PHTF2: variants seen among roughly 807,000 people sequenced by gnomAD.
PHTF2 encodes the protein protein PHTF2.
In PHTF2, 60 loss-of-function variants were observed where a neutral mutation model predicts 101.2. The ratio of observed to expected loss-of-function variants is 0.59; its 90% CI spans 0.48 to 0.73. The LOEUF (loss-of-function observed/expected upper bound fraction) is 0.73. Ranked by LOEUF, PHTF2 falls within the 30% of genes least tolerant of loss-of-function variation. The probability of loss-of-function intolerance (pLI) is 0.00; values close to 1 mark genes in which losing one functional copy is unlikely to be tolerated. For synonymous variants in PHTF2, 311 were observed against 307.3 expected (o/e 1.01, Z -0.13); for missense variants, 747 against 908.7 (o/e 0.82, Z 2.29).
intron 16 of PHTF2, among the ~76,000 whole-genome samples, chr7:77,946,387 G>T (rs1806050951): frequency 6.6e-6 from 1 of 152,068 alleles, no homozygotes; most frequent in Admixed American, 6.5e-5. Flanking sequence ...ACAGTTATCT[G>T]CTTTACCACT....
rs1195506728 is a variant in PHTF2, at chr7:77,925,571, G to A, written c.1119+2793G>A. ...CTTGCCCAGGCTGGAGTGCAGTGGC[G>A]CCATCTCGGCTCACTGCAACCTCCG... On this transcript the variant is annotated intron_variant, in intron 11 of 19. Coordinates refer to ENST00000416283, the Ensembl canonical transcript of PHTF2. Among the ~76,000 whole-genome samples the A allele has an allele frequency of 4.8e-5, 6 of 125,224 alleles. No homozygotes were observed. The East Asian group carries it at 1.4e-3, about 29-fold the overall frequency. 82.2% of individuals were successfully genotyped at this position (125,224 alleles called of 152,430 possible).
intron 17 of PHTF2, among the ~76,000 whole-genome samples, chr7:77,951,169 T>C (rs1806506296): frequency 1.3e-5 from 2 of 152,180 alleles, no homozygotes. Context: ...CAACAAGGCA[T>C]TGTGACTGCC....
chr7:77,924,154 C>A, intron 11 of PHTF2: 1 of 951,728 alleles, frequency 1.1e-6, no homozygotes, highest in Non-Finnish European at 1.3e-6. Flanking sequence ...AAAATAAAGC[C>A]TCCTTTGAAT....
chr7:77,819,594 T>C (rs1272307099), intron 1 of PHTF2, among the ~76,000 whole-genome samples: 1 of 152,216 alleles, frequency 6.6e-6, no homozygotes. Flanking sequence ...CCCTGAATCA[T>C]GATGTATTAT....
chr7:77,879,579 G>A (rs1288175789), intron 3 of PHTF2, among the ~76,000 whole-genome samples: 8 of 152,102 alleles, frequency 5.3e-5, no homozygotes, highest in Admixed American at 3.9e-4. Context: ...AAGATGGAAT[G>A]TTTTTGTTTT....
intron 9 of PHTF2, among the ~76,000 whole-genome samples, chr7:77,916,383 G>A (rs1802928043): frequency 6.6e-6 from 1 of 152,056 alleles, no homozygotes; most frequent in African/African-American, 2.4e-5. Flanking sequence ...CTGTCCCTTT[G>A]AGGTAGTTAC....
At chr7:77,830,981 G>C (rs554436708) in intron 1 of PHTF2, among the ~76,000 whole-genome samples, 1 of 152,300 alleles carries the variant, frequency 6.6e-6, no homozygotes. Context: ...TTGTAAAGGG[G>C]GAAGACCCAA....
At chr7:77,876,854 T>C (rs1798985972) in intron 3 of PHTF2, among the ~76,000 whole-genome samples, 2 of 152,194 alleles carry the variant, frequency 1.3e-5, no homozygotes, top group Admixed American at 1.3e-4. Flanking sequence ...TTTAAGAGTG[T>C]GTTTTAAATA....
In PHTF2 at chr7:77,893,592, T is replaced by A; in HGVS notation, c.148-16T>A. On this transcript the variant is annotated splice_polypyrimidine_tract_variant and intron_variant, in intron 3 of 19. Coordinates refer to ENST00000416283, the Ensembl canonical transcript of PHTF2. The stretch of plus-strand genomic sequence containing the variant: ...TACCAGCAATGACCATTTAATGTAG[T>A]GTCTTCTTTTCATAGATTGGAGCAT... The A allele has an allele frequency of 1.7e-6, 2 of 1,194,964 alleles. No homozygotes were observed. The highest frequency in any genetic ancestry group is 1.2e-6 in the Non-Finnish European group (1 of 821,278). 74.0% of individuals were successfully genotyped at this position (1,194,964 alleles called of 1,614,324 possible). A position where few individuals can be genotyped will look rare whatever the true frequency, so the allele number is the denominator to read the frequency against.
At chr7:77,941,021 A>G (rs948553525) in intron 15 of PHTF2, among the ~76,000 whole-genome samples, 8 of 152,186 alleles carry the variant, frequency 5.3e-5, no homozygotes, top group African/African-American at 1.9e-4. Context: ...GGGAAGAGGG[A>G]AACATCTAAA....
At chr7:77,844,477 G>A (rs149204187) in intron 2 of PHTF2, among the ~76,000 whole-genome samples, 50 of 152,228 alleles carry the variant, frequency 3.3e-4, no homozygotes, top group African/African-American at 9.6e-4. Context: ...TTATAAATGC[G>A]TACAGAAATT....
chr7:77,945,211 G>A (rs576419878), intron 16 of PHTF2, among the ~76,000 whole-genome samples: 3 of 152,248 alleles, frequency 2.0e-5, no homozygotes, highest in East Asian at 3.9e-4. Context: ...GGTGGCTCGC[G>A]CCTGTAATCG....
chr7:77,935,298 C>G (rs1435912004), intron 12 of PHTF2, among the ~76,000 whole-genome samples: 1 of 135,388 alleles, frequency 7.4e-6, no homozygotes, highest in Non-Finnish European at 1.5e-5. Flanking sequence ...TCTCGGCTCA[C>G]TTCAAGCTCT....
At chr7:77,856,790 A>G (rs1409523987) in intron 3 of PHTF2, among the ~76,000 whole-genome samples, 1 of 152,138 alleles carries the variant, frequency 6.6e-6, no homozygotes, top group Non-Finnish European at 1.5e-5. Context: ...TATAAAGTAT[A>G]TGAGAGGATG....
chr7:77,870,972 A>G (rs1308336694), intron 3 of PHTF2, among the ~76,000 whole-genome samples: 2 of 152,248 alleles, frequency 1.3e-5, no homozygotes, highest in African/African-American at 4.8e-5. Context: ...ACATGCACAA[A>G]CATTTTTAAC....
chr7:77,956,724 T>C, exon 20 of PHTF2: 1 of 152,558 alleles, frequency 6.6e-6, no homozygotes, highest in Non-Finnish European at 1.5e-5. Flanking sequence ...CAAATATATT[T>C]TGAGAAAAAA....
intron 11 of PHTF2, among the ~76,000 whole-genome samples, chr7:77,927,562 C>T (rs1804175031): frequency 6.6e-6 from 1 of 152,148 alleles, no homozygotes; most frequent in African/African-American, 2.4e-5. Context: ...CGTGCCACTG[C>T]ACTCCAGCCT....
chr7:77,879,039 A>G (rs1380991805), intron 3 of PHTF2, among the ~76,000 whole-genome samples: 1 of 152,156 alleles, frequency 6.6e-6, no homozygotes, highest in South Asian at 2.1e-4. Flanking sequence ...GTGCAGTCCC[A>G]GGTACTTAAG....
chr7:77,952,842 A>AAG (rs1445002716), intron 18 of PHTF2, among the ~76,000 whole-genome samples: 1 of 152,176 alleles, frequency 6.6e-6, no homozygotes, highest in East Asian at 1.9e-4. Context: ...CTCTCTCTTT[A>AAG]CAGCCAAGAA....
Sources: gnomAD v4.1 joint callset for allele counts (sites outside exome capture counted in the v4.1 genomes callset) on GRCh38, gnomAD v4.1.1 for gene constraint, MANE v1.5 for transcripts, NCBI Gene and HGNC (gene_info 2026-07-23, HGNC 2026-07-21) for gene names.